Variants in P4HA3 observed in about 807,000 individuals in gnomAD.
P4HA3 encodes the protein prolyl 4-hydroxylase subunit alpha 3, also known as prolyl 4-hydroxylase subunit alpha-3.
P4HA3 carries 60 observed loss-of-function variants against 66.7 expected under a neutral mutation model. The ratio of observed to expected loss-of-function variants is 0.90; its 90% CI spans 0.73 to 1.12. The LOEUF (loss-of-function observed/expected upper bound fraction) is 1.12, where lower values mean the gene tolerates loss of function less well. Among genes scored for constraint, P4HA3 ranks in the 50% most tolerant of loss-of-function variants. P4HA3 has a pLI of 0.00. For synonymous variants in P4HA3, 263 were observed against 274.6 expected (o/e 0.96, Z 0.42); for missense variants, 683 against 685.8 (o/e 1.00, Z 0.05).
At chr11:74,295,386 G>A (rs555523295) in intron 4 of P4HA3, among the ~76,000 whole-genome samples, 10 of 152,238 alleles carry the variant, frequency 6.6e-5, no homozygotes, top group South Asian at 6.2e-4. Context: ...ACAGAATCCC[G>A]GATGGGTATC....
intron 2 of P4HA3, among the ~76,000 whole-genome samples, chr11:74,303,292 C>CATT (rs1861471046): frequency 8.1e-6 from 1 of 123,232 alleles, no homozygotes; most frequent in African/African-American, 3.1e-5. Flanking sequence ...CAACAAACTT[C>CATT]TTTTTTTTTT....
chr11:74,279,444 C>T lies in P4HA3; in HGVS notation c.1119G>A (p.Arg373=). The change falls in exon 8 of 13, where the codon AGG becomes AGA. Residue 373 remains arginine, a synonymous_variant. Transcript: ENST00000331597. ...GCTTCTCCCCTGATGCCACCACTGA[C>T]CTCTGTAGCTGGTGGGAAGAATGTA... is the stretch of plus-strand genomic sequence containing the variant. ...IRELAEPWLQ[R]SVVASGEKQL... is the part of the protein sequence containing the mutation. 1 of 1,613,930 alleles carries T rather than the reference C, an allele frequency of 6.2e-7. No individual in the cohort carries two copies. Among genetic ancestry groups the T allele is most frequent in the Non-Finnish European group, 8.5e-7 (1 of 1,179,856 alleles).
intron 15 of P4HA3, chr11:74,250,945 C>T: frequency 6.3e-7 from 1 of 1,593,106 alleles, no homozygotes; most frequent in African/African-American, 1.3e-5. Context: ...TGCTTTGATT[C>T]CTCTCCAGGG....
At chr11:74,276,919 C>T in intron 9 of P4HA3, 66 bp downstream of exon 9, 1 of 1,479,476 alleles carries the variant, frequency 6.8e-7, no homozygotes, top group Non-Finnish European at 9.1e-7. Context: ...AAGAGCTCTG[C>T]CTCAGAGAAA....
chr11:74,255,851 C>A, intron 15 of P4HA3: 1 of 445,784 alleles, frequency 2.2e-6, no homozygotes, highest in Non-Finnish European at 4.5e-6. Flanking sequence ...TGAAATATTT[C>A]AGGGTAGTTC....
intron 15 of P4HA3, among the ~76,000 whole-genome samples, chr11:74,256,318 G>T (rs1019644966): frequency 1.3e-5 from 2 of 152,236 alleles, no homozygotes; most frequent in African/African-American, 4.8e-5. Flanking sequence ...GAGAATGAAT[G>T]AAATGCTCGT....
intron 10 of P4HA3, among the ~76,000 whole-genome samples, chr11:74,272,219 T>TACACAC (rs10534821): frequency 2.8e-4 from 42 of 150,510 alleles, no homozygotes; most frequent in African/African-American, 6.6e-4. Context: ...TGCACACACA[T>TACACAC]ACACACACAC....
intron 5 of P4HA3, among the ~76,000 whole-genome samples, chr11:74,286,912 A>G (rs1008974065): frequency 3.3e-5 from 5 of 152,226 alleles, no homozygotes; most frequent in Admixed American, 1.3e-4. Flanking sequence ...GCCAAAGCCT[A>G]TTGCAAAAGG....
rs147345812 is a variant in P4HA3, at chr11:74,298,289, A to G, written c.640T>C (p.Ser214Pro). Residue 214 changes from serine (S) to proline (P), a missense_variant, in exon 4 of 13, where the codon TCT (serine) becomes CCT (proline). By Grantham distance (74) the Ser-to-Pro change is moderately conservative. Coordinates refer to ENST00000331597, the MANE Select transcript of P4HA3 (RefSeq NM_182904.5). ...TCCTCTGTCTTCCACTCTCCGTAAG[A>G]TCCTCGGAAGAGACTGACAGCCTCC... is the stretch of plus-strand genomic sequence containing the variant. ...LEEAVSLFRG[S>P]YGEWKTEDEA... 5 of 1,614,082 alleles carry G rather than the reference A, an allele frequency of 3.1e-6. No homozygotes were observed. The highest frequency in any genetic ancestry group is 4.2e-6 in the Non-Finnish European group (5 of 1,179,994).
downstream of P4HA3, among the ~76,000 whole-genome samples, chr11:74,263,668 T>G (rs543189842): frequency 2.0e-5 from 3 of 152,324 alleles, no homozygotes; most frequent in Non-Finnish European, 4.4e-5. Flanking sequence ...CTCAGCACAG[T>G]GCCTGGCCTA....
intron 7 of P4HA3, among the ~76,000 whole-genome samples, chr11:74,280,552 T>C (rs574391407): frequency 7.2e-5 from 11 of 152,346 alleles, no homozygotes; most frequent in Admixed American, 7.2e-4. Flanking sequence ...ACATGTCTAC[T>C]TCTGCCTCTG....
In P4HA3 at chr11:74,311,514, G is replaced by C. The variant is rs760326472; in HGVS notation, c.98C>G (p.Ala33Gly). 39 of 1,540,108 alleles carry C rather than the reference G, an allele frequency of 2.5e-5. No individual in the cohort carries two copies. In the African/African-American group the frequency reaches 5.4e-4, roughly 21 times the overall value. ...RAAARGDTFS[A>G]LTSVARALAP... ...CAGGGCGCGCGCCACGCTGGTCAGC[G>C]CCGAGAACGTGTCGCCCCGAGCCGC... is the stretch of plus-strand genomic sequence containing the variant. The change falls in exon 1 of 13, where the codon GCG (alanine) becomes GGG (glycine). Residue 33 changes from alanine (A) to glycine (G), a missense_variant. Ala to Gly is a moderately conservative substitution (Grantham distance 60). Transcript: ENST00000331597.
intron 7 of P4HA3, chr11:74,285,541 T>C (rs528365945): frequency 2.8e-5 from 10 of 352,744 alleles, no homozygotes; most frequent in African/African-American, 1.2e-4. Context: ...TACAGCCACA[T>C]GTACCACGTC....
At chr11:74,259,380 T>C (rs1859873996) in intron 15 of P4HA3, among the ~76,000 whole-genome samples, 1 of 152,044 alleles carries the variant, frequency 6.6e-6, no homozygotes, top group Non-Finnish European at 1.5e-5. Context: ...CAAGATTCTG[T>C]CTCAAACAAA....
Position 74,278,110 on chromosome 11 carries a change from A to C in P4HA3, c.1176-966T>G, listed in dbSNP as rs140391807. Among the ~76,000 whole-genome samples the C allele has an allele frequency of 3.1e-3, 478 of 152,342 alleles. 3 individuals carry two copies. The Middle Eastern group carries it at 0.034, about 11-fold the overall frequency. On this transcript the variant is annotated intron_variant, in intron 8 of 12. Coordinates refer to ENST00000331597, the MANE Select transcript of P4HA3 (RefSeq NM_182904.5). Reference sequence around the variant, plus strand: ...AGTGAAAAATTGAGAAACAGACTTTAAAGTGCTGGGAAGCACAGAGGAAGG... The same window carrying C: ...AGTGAAAAATTGAGAAACAGACTTTCAAGTGCTGGGAAGCACAGAGGAAGG...
chr11:74,307,769 T>A (rs927764316), intron 1 of P4HA3, among the ~76,000 whole-genome samples: 3 of 152,206 alleles, frequency 2.0e-5, no homozygotes, highest in African/African-American at 7.2e-5. Flanking sequence ...AATCCCTGCA[T>A]TAAACATAGC....
intron 5 of P4HA3, among the ~76,000 whole-genome samples, chr11:74,286,830 A>G (rs370926292): frequency 2.6e-5 from 4 of 152,244 alleles, no homozygotes; most frequent in East Asian, 3.8e-4. Flanking sequence ...TTAGAGTCTA[A>G]TGGAGAAAAA....
At position 74,266,876 on chromosome 11, in the gene P4HA3, T is replaced by G. The variant is rs1860004961; in HGVS notation, c.*372A>C. 2 of 810,038 alleles carry G rather than the reference T, an allele frequency of 2.5e-6. No homozygotes were observed. The highest frequency in any genetic ancestry group is 1.9e-6 in the Non-Finnish European group (1 of 532,392). The allele number at this position is 810,038 out of a possible 1,614,324, so 50.2% of individuals were successfully genotyped here. On this transcript the variant is annotated 3_prime_UTR_variant, in exon 13 of 13. Transcript: ENST00000331597. ...TAGCCCCTCCTGCAGGTGTCCTCATTGCCACTTCTTGGTCCCTGTGGTCAA... is the reference window on the plus strand; with the variant it reads ...TAGCCCCTCCTGCAGGTGTCCTCATGGCCACTTCTTGGTCCCTGTGGTCAA...
In P4HA3 at chr11:74,273,170, A is replaced by G. The variant is rs564858940; in HGVS notation, c.1398+375T>C. On this transcript the variant is annotated intron_variant, in intron 10 of 12. Transcript: ENST00000331597. ...TCCCCACAGCCCCACAACCTCATCT[A>G]TGGGTTGTTTTTCAACACTGATTAG... Among the ~76,000 whole-genome samples, 15 of 152,168 alleles carry G rather than the reference A, an allele frequency of 9.9e-5. No homozygotes were observed. The South Asian group carries it at 3.1e-3, about 32-fold the overall frequency.
Sources: allele counts gnomAD v4.1 joint callset (sites outside exome capture counted in the v4.1 genomes callset), GRCh38; gene constraint gnomAD v4.1.1; transcripts MANE v1.5; gene names NCBI Gene and HGNC (gene_info 2026-07-23, HGNC 2026-07-21).